SVEP1: variants seen among roughly 807,000 people sequenced by gnomAD.
The protein encoded by SVEP1 is sushi, von Willebrand factor type A, EGF and pentraxin domain containing 1, also known as sushi, von Willebrand factor type A, EGF and pentraxin domain-containing protein 1.
A neutral mutation model predicts 367.3 loss-of-function variants in SVEP1; 164 were observed. The observed-to-expected ratio is 0.45, with a 90% CI of 0.39 to 0.51. The LOEUF (loss-of-function observed/expected upper bound fraction) is 0.51, where lower values mean the gene tolerates loss of function less well. Among genes scored for constraint, SVEP1 ranks in the 20% least tolerant of loss-of-function variants. SVEP1 has a pLI of 0.00. For synonymous variants in SVEP1, 1,666 were observed against 1,611.6 expected (o/e 1.03, Z -0.81); for missense variants, 4,117 against 4,425.3 (o/e 0.93, Z 1.98).
intron 22 of SVEP1, 83 bp downstream of exon 22, chr9:110,455,507 G>A: frequency 1.0e-6 from 1 of 982,912 alleles, no homozygotes; most frequent in Non-Finnish European, 1.5e-6. Context: ...ATGTATCTTT[G>A]ACACATTCCA....
Position 110,560,512 on chromosome 9 carries a change from C to T in SVEP1, c.532-10408G>A, listed in dbSNP as rs1482557152. On this transcript the variant is annotated intron_variant, in intron 1 of 47. Coordinates refer to ENST00000374469, the MANE Select transcript of SVEP1 (RefSeq NM_153366.4). ...CTTCCTTTGGGCAGTATCATGTGAA[C>T]TCAGAACTTTGAGTCTCACTTACAG... is the stretch of plus-strand genomic sequence containing the variant. Among the ~76,000 whole-genome samples the T allele has an allele frequency of 1.6e-4, 24 of 152,128 alleles. 1 individual carries two copies. Among genetic ancestry groups the T allele is most frequent in the Admixed American group, 1.6e-3 (24 of 15,238 alleles).
intron 22 of SVEP1, among the ~76,000 whole-genome samples, chr9:110,453,732 G>T (rs190621232): frequency 6.6e-6 from 1 of 152,168 alleles, no homozygotes; most frequent in Non-Finnish European, 1.5e-5. Flanking sequence ...AGCCGGGCAT[G>T]GTGGCATGCG....
rs1234207774 is a variant in SVEP1, at chr9:110,549,893, C to G, written c.743G>C (p.Ser248Thr). The G allele has an allele frequency of 6.2e-7, 1 of 1,613,932 alleles. No individual in the cohort carries two copies. The highest frequency in any genetic ancestry group is 1.7e-5 in the Admixed American group (1 of 60,006). ...PKEEHCYLLH[S>T]FEEFEALARR... is the part of the protein sequence containing the mutation. Reference sequence around the variant, plus strand: ...AGCTAAAGCCTCAAATTCTTCAAAACTGTGTAGCAGGTAACAGTGCTCCTC... The same window carrying G: ...AGCTAAAGCCTCAAATTCTTCAAAAGTGTGTAGCAGGTAACAGTGCTCCTC... Residue 248 changes from serine to threonine, a missense_variant, in exon 2 of 48, where the codon AGT becomes ACT. Coordinates refer to ENST00000374469, the MANE Select transcript of SVEP1 (RefSeq NM_153366.4).
intron 46 of SVEP1, among the ~76,000 whole-genome samples, chr9:110,373,314 T>A (rs1381901485): frequency 2.0e-5 from 3 of 152,204 alleles, no homozygotes; most frequent in Admixed American, 2.0e-4. Flanking sequence ...CATTCATGAA[T>A]GGCTCAATTT....
chr9:110,475,549 T>A (rs1372804547), intron 14 of SVEP1, among the ~76,000 whole-genome samples: 1 of 151,830 alleles, frequency 6.6e-6, no homozygotes, highest in Non-Finnish European at 1.5e-5. Context: ...CTTTTTTTTT[T>A]TTTTGATACA....
chr9:110,554,722 A>ATGTGTGTGTG (rs762452858), intron 1 of SVEP1, among the ~76,000 whole-genome samples: 35 of 121,576 alleles, frequency 2.9e-4, no homozygotes, highest in African/African-American at 1.0e-3. Flanking sequence ...GTATGTATAG[A>ATGTGTGTGTG]TGTGCGTGTG....
intron 17 of SVEP1, among the ~76,000 whole-genome samples, chr9:110,466,686 G>A (rs1011693346): frequency 3.0e-5 from 4 of 134,868 alleles, no homozygotes; most frequent in Non-Finnish European, 4.7e-5. Context: ...GCGTGAACCC[G>A]GGAGGCGGAG....
At chr9:110,539,102 G>A (rs1003088461) in intron 3 of SVEP1, among the ~76,000 whole-genome samples, 9 of 152,008 alleles carry the variant, frequency 5.9e-5, no homozygotes, top group African/African-American at 2.2e-4. Flanking sequence ...TGGTATTAAA[G>A]TTTACTTCTT....
At chr9:110,384,302 A>AGGTGGG (rs71492884) in intron 43 of SVEP1, among the ~76,000 whole-genome samples, 41,703 of 151,664 alleles carry the variant, frequency 0.27, 6,263 homozygotes, top group Middle Eastern at 0.49. Context: ...TGTGGCTCCC[A>AGGTGGG]GGTGGGCCGT....
rs117189510 is a variant in SVEP1, at chr9:110,401,510, A to C, written c.9667-501T>G. Among the ~76,000 whole-genome samples, 716 of 150,286 alleles carry C rather than the reference A, an allele frequency of 4.8e-3. 39 individuals are homozygous for C. The East Asian group carries it at 0.12, about 26-fold the overall frequency. ...AAAACATTTTATCACATATTTTTGA[A>C]GGGGTCATGTAGAAAAAAATTTATA... is the stretch of plus-strand genomic sequence containing the variant. On this transcript the variant is annotated intron_variant, in intron 39 of 47. Transcript: ENST00000374469.
intron 2 of SVEP1, among the ~76,000 whole-genome samples, chr9:110,546,596 C>T (rs1054418349): frequency 1.1e-4 from 16 of 152,190 alleles, no homozygotes; most frequent in African/African-American, 3.6e-4. Context: ...GGAAACAGTG[C>T]AGTCAGTTCT....
intron 6 of SVEP1, 41 bp downstream of exon 6, chr9:110,502,997 G>A: frequency 1.3e-6 from 2 of 1,575,590 alleles, no homozygotes; most frequent in Non-Finnish European, 1.7e-6. Flanking sequence ...CAGAGCAGAG[G>A]AAATGAATCA....
chr9:110,445,751 C>T (rs1293152584), intron 26 of SVEP1, 86 bp downstream of exon 26: 2 of 1,471,960 alleles, frequency 1.4e-6, no homozygotes, highest in Non-Finnish European at 9.4e-7. Context: ...TGACCCTCTA[C>T]TTTCCCATTT....
intron 22 of SVEP1, among the ~76,000 whole-genome samples, chr9:110,452,829 A>C (rs1828713831): frequency 6.7e-6 from 1 of 148,772 alleles, no homozygotes; most frequent in South Asian, 2.2e-4. Context: ...TATCAAGTCC[A>C]CTCTACTTGA....
At chr9:110,488,726 T>C (rs541757242) in intron 9 of SVEP1, among the ~76,000 whole-genome samples, 1 of 151,854 alleles carries the variant, frequency 6.6e-6, no homozygotes, top group African/African-American at 2.4e-5. Flanking sequence ...CAAAACAAAT[T>C]AGCTGGGTGT....
chr9:110,427,299 T>C (rs1828268231), intron 36 of SVEP1, among the ~76,000 whole-genome samples: 1 of 79,846 alleles, frequency 1.3e-5, no homozygotes, highest in African/African-American at 7.1e-5. Context: ...CAAGACTCTG[T>C]CTCAAAAAAA....
chr9:110,521,299 G>A (rs1023812323), intron 3 of SVEP1, among the ~76,000 whole-genome samples: 3 of 152,228 alleles, frequency 2.0e-5, no homozygotes, highest in East Asian at 1.9e-4. Context: ...GCAGCCTGTC[G>A]TTCTCCCTGT....
rs1564155216 is a variant in SVEP1 at position 110,482,352 on chromosome 9, A to G, written c.2170+9T>C. On this transcript the variant is annotated intron_variant, in intron 11 of 47. Coordinates refer to ENST00000374469, the MANE Select transcript of SVEP1 (RefSeq NM_153366.4). ...CAACTAGAATTCTGGGGACTTATGA[A>G]GACAATACCTTTTATGACAATATGG... is the stretch of plus-strand genomic sequence containing the variant. 6.2e-7 allele frequency: 1 copy of G among 1,609,712 alleles called. No individual in the cohort carries two copies. The highest frequency in any genetic ancestry group is 8.5e-7 in the Non-Finnish European group (1 of 1,178,172).
intron 22 of SVEP1, among the ~76,000 whole-genome samples, chr9:110,454,733 T>A (rs1479722163): frequency 6.6e-6 from 1 of 152,206 alleles, no homozygotes; most frequent in Non-Finnish European, 1.5e-5. Context: ...CTGCATGTTC[T>A]CACTTAAAAT....
Sources: gnomAD v4.1 joint callset for allele counts (sites outside exome capture counted in the v4.1 genomes callset) on GRCh38, gnomAD v4.1.1 for gene constraint, MANE v1.5 for transcripts, NCBI Gene and HGNC (gene_info 2026-07-23, HGNC 2026-07-21) for gene names.